The following PRSS36 variants were observed in gnomAD, a reference collection of about 807,000 sequenced individuals.
PRSS36 encodes polyserase-2.
In PRSS36, 90 loss-of-function variants were observed where a neutral mutation model predicts 94.3. The ratio of observed to expected loss-of-function variants is 0.95; its 90% CI spans 0.80 to 1.14. The LOEUF (loss-of-function observed/expected upper bound fraction) is 1.14, where lower values mean the gene tolerates loss of function less well. Among genes scored for constraint, PRSS36 ranks in the 50% most tolerant of loss-of-function variants. The pLI, the probability that PRSS36 is intolerant of heterozygous loss-of-function variation, is 0.00. For missense variants in PRSS36, 1,158 were observed against 1,135.0 expected, an observed-to-expected ratio of 1.02 and a Z score of -0.29; for synonymous variants, 500 against 489.6, an observed-to-expected ratio of 1.02 and a Z score of -0.28.
Position 31,149,148 on chromosome 16 carries a change from T to G in PRSS36, c.197A>C (p.His66Pro), listed in dbSNP as rs1395343210. ...GCCCCCGCAGATGTGGCCACCTCCA[T>G]GGTGCAGGCTCACTTGCCAAGGCCA... is the stretch of plus-strand genomic sequence containing the variant. ...GTWPWQVSLH[H>P]GGGHICGGSL... The change falls in exon 4 of 15, where the codon CAT (histidine) becomes CCT (proline). Residue 66 changes from histidine to proline, a missense_variant. Transcript: ENST00000268281. The G allele has an allele frequency of 6.3e-7, 1 of 1,578,864 alleles. No homozygotes were observed. The highest frequency in any genetic ancestry group is 1.3e-5 in the African/African-American group (1 of 74,672).
At chr16:31,149,609 C>T (rs531945488) in intron 2 of PRSS36, 87 bp downstream of exon 2, 12 of 1,607,196 alleles carry the variant, frequency 7.5e-6, no homozygotes, top group Admixed American at 5.0e-5. Flanking sequence ...CTTCCCTGTC[C>T]GTTCAGCAAC....
In PRSS36 at chr16:31,148,576, G is replaced by C. The variant is rs758098867; in HGVS notation, c.372C>G (p.Ala124=). The C allele has an allele frequency of 3.1e-6, 5 of 1,609,412 alleles. No homozygotes were observed. Among genetic ancestry groups the C allele is most frequent in the Non-Finnish European group, 4.2e-6 (5 of 1,178,588 alleles). Residue 124 remains alanine, a synonymous_variant, in exon 5 of 15, where the codon GCC becomes GCG. Coordinates refer to ENST00000268281, the MANE Select transcript of PRSS36 (RefSeq NM_173502.5). ...LDGAHTRAVA[A]IVVPANYSQV... ...GGCTGTAGTTGGCCGGCACCACGATGGCGGCCACTGCGCGGGTGTGCGCGC... is the reference window on the plus strand; with the variant it reads ...GGCTGTAGTTGGCCGGCACCACGATCGCGGCCACTGCGCGGGTGTGCGCGC...
rs1026481674 is a variant in PRSS36 at position 31,142,852 on chromosome 16, C to T, written c.1242G>A (p.Leu414=). 1.1e-5 allele frequency: 17 copies of T among 1,556,554 alleles called. No individual in the cohort carries two copies. Among genetic ancestry groups the T allele is most frequent in the Admixed American group, 5.7e-5 (3 of 53,018 alleles). The change falls in exon 9 of 15, where the codon CTG becomes CTA. Residue 414 remains leucine, a synonymous_variant. Transcript: ENST00000268281. ...TCAGGTTCACGGGCGTGCGCAGCTG[C>T]AGCAGCGCCAGGTCCGAGGCGTTGT... The part of the protein sequence containing the change: ...SWDNASDLAL[L]QLRTPVNLSA...
At position 31,139,434 on chromosome 16, in the gene PRSS36, G is replaced by T; in HGVS notation, c.2290-18C>A. On this transcript the variant is annotated intron_variant, in intron 14 of 14. Transcript: ENST00000268281. ...GAGGTCATCTGCAGAGTTGGAGCGA[G>T]GCCACGTGGGTCTGCTGCCCTTCCT... 6.2e-7 allele frequency: 1 copy of T among 1,605,232 alleles called. No individual in the cohort carries two copies. Among genetic ancestry groups the T allele is most frequent in the Non-Finnish European group, 8.5e-7 (1 of 1,174,082 alleles).
At chr16:31,141,342 G>A in intron 12 of PRSS36, 127 bp downstream of exon 12, 3 of 1,263,862 alleles carry the variant, frequency 2.4e-6, no homozygotes, top group South Asian at 1.5e-5. Context: ...GGCTGGCCTG[G>A]GCAACACAGC....
In PRSS36 at chr16:31,142,893, C is replaced by T; in HGVS notation, c.1201G>A (p.Glu401Lys). The T allele has an allele frequency of 1.9e-6, 3 of 1,552,712 alleles. No individual in the cohort carries two copies. The highest frequency in any genetic ancestry group is 2.6e-6 in the Non-Finnish European group (3 of 1,154,916). ...AERVARLVQH[E>K]NASWDNASDL... ...GAGGCGTTGTCCCACGAAGCGTTCT[C>T]GTGCTGCACCAGGCGCGCCACCCGC... The change falls in exon 9 of 15, where the codon GAG becomes AAG. Residue 401 changes from glutamate (E) to lysine (K), a missense_variant. Coordinates refer to ENST00000268281, the MANE Select transcript of PRSS36 (RefSeq NM_173502.5).
At position 31,140,715 on chromosome 16, in the gene PRSS36, G is replaced by T. The variant is rs1278164754; in HGVS notation, c.1944C>A (p.Gly648=). 4 of 1,613,974 alleles carry T rather than the reference G, an allele frequency of 2.5e-6. No homozygotes were observed. The Admixed American group carries it at 6.7e-5, about 27-fold the overall frequency. ...GTGGGAGGGAGCTGGCCCCTGCCCG[G>T]CCCAGATACACTTCAATGTAAGGCA... ...TTVPYIEVYL[G]RAGASSLPQG... is the part of the protein sequence containing the mutation. The change falls in exon 13 of 15, where the codon GGC becomes GGA. Residue 648 remains glycine (G), a synonymous_variant. Coordinates refer to ENST00000268281, the MANE Select transcript of PRSS36 (RefSeq NM_173502.5).
At chr16:31,145,141 G>A (rs1478664869) in intron 6 of PRSS36, among the ~76,000 whole-genome samples, 1 of 151,910 alleles carries the variant, frequency 6.6e-6, no homozygotes, top group South Asian at 2.1e-4. Context: ...AGGCTGAGGC[G>A]GGTGGATCAC....
In PRSS36 at chr16:31,139,260, T is replaced by TG. The variant is rs368480655; in HGVS notation, c.2445dup (p.Ser816GlnfsTer44). The TG allele has an allele frequency of 3.1e-6, 5 of 1,613,976 alleles. No homozygotes were observed. The African/African-American group carries it at 5.3e-5, about 17-fold the overall frequency. ...CCAGTGGGCCAGTGTGGGGAGCCAC[T>TG]GGGGGGCAGGAAGTTGGCCTCTCCC... On this transcript the variant is annotated frameshift_variant, in exon 15 of 15. Coordinates refer to ENST00000268281, the MANE Select transcript of PRSS36 (RefSeq NM_173502.5). LOFTEE classifies it low-confidence loss of function (END_TRUNC).
At chr16:31,149,374 T>C in intron 3 of PRSS36, 89 bp downstream of exon 3, 1 of 1,568,994 alleles carries the variant, frequency 6.4e-7, no homozygotes, top group Non-Finnish European at 8.7e-7. Context: ...CCCAGGCTTG[T>C]CTACATTTCT....
chr16:31,141,763 C>G lies in PRSS36; in HGVS notation c.1719G>C (p.Glu573Asp). Residue 573 changes from glutamate (E) to aspartate (D), a missense_variant, in exon 11 of 15, where the codon GAG (glutamate) becomes GAC (aspartate). By Grantham distance (45) the Glu-to-Asp change is conservative. Transcript: ENST00000268281. ...LAWDWGPDGEETETQTCPPHT... is the reference protein window; with the variant it reads ...LAWDWGPDGEDTETQTCPPHT... ...GTGGGGGACAAGTCTGTGTCTCAGTCTCCTCCCCATCAGGGCCCCAATCCC... is the reference window on the plus strand; with the variant it reads ...GTGGGGGACAAGTCTGTGTCTCAGTGTCCTCCCCATCAGGGCCCCAATCCC... 2.5e-6 allele frequency: 4 copies of G among 1,614,124 alleles called. No individual in the cohort carries two copies. The highest frequency in any genetic ancestry group is 3.4e-6 in the Non-Finnish European group (4 of 1,179,972).
chr16:31,143,290 T>G, intron 8 of PRSS36, 52 bp downstream of exon 8: 3 of 1,540,406 alleles, frequency 1.9e-6, no homozygotes, highest in Non-Finnish European at 2.6e-6. Flanking sequence ...GGATGGTATC[T>G]CAGGCTGTAG....
Position 31,141,469 on chromosome 16 carries a change from C to T in PRSS36, c.1901G>A (p.Arg634Lys), listed in dbSNP as rs540565456. The change falls in exon 12 of 15, where the codon AGG (arginine) becomes AAG (lysine). Residue 634 changes from arginine (R) to lysine (K), a missense_variant and splice_region_variant. By Grantham distance (26) the Arg-to-Lys change is conservative. Transcript: ENST00000268281. ...CGCCTAGGAGACGAGTGAGACCCAC[C>T]TGAGGACACAGTGAGTGGCTGCCAG... ...WVLAATHCVL[R>K]PGSTTVPYIE... 1.9e-6 allele frequency: 3 copies of T among 1,610,474 alleles called. No homozygotes were observed. The highest frequency in any genetic ancestry group is 1.3e-5 in the African/African-American group (1 of 75,018).
chr16:31,141,395 A>ACAAAC (rs144655709), intron 12 of PRSS36, 74 bp downstream of exon 12: 1 of 1,471,104 alleles, frequency 6.8e-7, no homozygotes, highest in South Asian at 1.3e-5. Flanking sequence ...AAACAAACAA[A>ACAAAC]TAACAAAAAC....
At chr16:31,147,763 T>A (rs1212591275) in intron 5 of PRSS36, among the ~76,000 whole-genome samples, 1 of 151,690 alleles carries the variant, frequency 6.6e-6, no homozygotes, top group Non-Finnish European at 1.5e-5. Context: ...ATTGAATGAA[T>A]GATGGTGGGT....
intron 6 of PRSS36, 149 bp from the exon 7 acceptor site, chr16:31,143,986 T>C: frequency 2.0e-6 from 2 of 1,003,858 alleles, no homozygotes; most frequent in Non-Finnish European, 2.9e-6. Context: ...TCCCTGCGGC[T>C]CTAAACAGAA....
chr16:31,147,438 T>C (rs901947743), intron 5 of PRSS36, among the ~76,000 whole-genome samples: 5 of 152,042 alleles, frequency 3.3e-5, no homozygotes, highest in Non-Finnish European at 7.4e-5. Flanking sequence ...TGTAGCATCT[T>C]CCCCTGTAGC....
At chr16:31,142,458 C>T (rs1215961349) in intron 10 of PRSS36, 23 bp downstream of exon 10, 17 of 1,428,678 alleles carry the variant, frequency 1.2e-5, no homozygotes, top group Non-Finnish European at 1.6e-5. Flanking sequence ...CCGCGTTCCG[C>T]GGGCCCCGCC....
intron 6 of PRSS36, among the ~76,000 whole-genome samples, chr16:31,145,171 A>G (rs2070845759): frequency 6.6e-6 from 1 of 151,842 alleles, no homozygotes; most frequent in East Asian, 1.9e-4. Flanking sequence ...AGATCGAGAC[A>G]ATCCTGGCTA....
Sources: allele counts gnomAD v4.1 joint callset (sites outside exome capture counted in the v4.1 genomes callset), GRCh38; gene constraint gnomAD v4.1.1; transcripts MANE v1.5; gene names NCBI Gene and HGNC (gene_info 2026-07-23, HGNC 2026-07-21).